SRMS: variants seen among roughly 807,000 people sequenced by gnomAD.
SRMS encodes tyrosine-protein kinase Srms.
A neutral mutation model predicts 43.5 loss-of-function variants in SRMS; 42 were observed. That is an observed-to-expected ratio of 0.97 (90% confidence interval 0.75 to 1.25). The LOEUF (loss-of-function observed/expected upper bound fraction) is 1.25. Among genes scored for constraint, SRMS ranks in the 50% most tolerant of loss-of-function variants. SRMS has a pLI of 0.00. For missense variants in SRMS, 703 were observed against 681.0 expected (o/e 1.03, Z -0.36); for synonymous variants, 316 against 308.2 (o/e 1.03, Z -0.27).
rs775456228 is a variant in SRMS, at chr20:63,547,319, A to G, written c.145T>C (p.Cys49Arg). ...DPVPTLPAEP[C>R]SPFPQLFLAL... ...AGGAAGAGCTGAGGGAAGGGGCTGCAAGGCTCGGCGGGGAGCGTGGGCACT... is the reference window on the plus strand; with the variant it reads ...AGGAAGAGCTGAGGGAAGGGGCTGCGAGGCTCGGCGGGGAGCGTGGGCACT... The change falls in exon 1 of 8, where the codon TGC becomes CGC. Residue 49 changes from cysteine (C) to arginine (R), a missense_variant. By Grantham distance (180) the Cys-to-Arg change is radical. Coordinates refer to ENST00000217188, the MANE Select transcript of SRMS (RefSeq NM_080823.4). The G allele has an allele frequency of 6.3e-7, 1 of 1,599,108 alleles. No homozygotes were observed. The highest frequency in any genetic ancestry group is 1.7e-5 in the Admixed American group (1 of 58,962).
intron 1 of SRMS, among the ~76,000 whole-genome samples, chr20:63,545,721 G>A (rs1259290016): frequency 3.3e-5 from 5 of 152,136 alleles, no homozygotes; most frequent in African/African-American, 9.7e-5. Context: ...GAGAGGCAGC[G>A]GCCTGAGGCA....
chr20:63,544,450 C>T (rs1439597365), intron 1 of SRMS, 102 bp from the exon 2 acceptor site: 25 of 1,344,904 alleles, frequency 1.9e-5, no homozygotes, highest in African/African-American at 1.5e-4. Flanking sequence ...GCTGTCCCAC[C>T]GCCTCAGGGA....
chr20:63,541,675 C>T (rs1216313195), intron 5 of SRMS, 55 bp from the exon 6 acceptor site: 28 of 1,450,656 alleles, frequency 1.9e-5, no homozygotes, highest in Admixed American at 1.5e-4. Context: ...CCGGTGAGGC[C>T]AGCGTCCACC....
At chr20:63,541,800 A>G (rs994246003) in intron 5 of SRMS, among the ~76,000 whole-genome samples, 180 bp from the exon 6 acceptor site, 3 of 152,046 alleles carry the variant, frequency 2.0e-5, no homozygotes, top group African/African-American at 7.2e-5. Flanking sequence ...TCCTGTACTC[A>G]CCACAGTGAC....
chr20:63,542,172 A>G lies in SRMS; in HGVS notation c.937T>C (p.Phe313Leu). ...CAGGGAGGGGACTCACTGCCCAGGA[A>G]GGCCTGCAGGTTCCCCTTGCGCATG... ...ELMRKGNLQA[F>L]LGTPEGRALR... The change falls in exon 5 of 8, where the codon TTC becomes CTC. Residue 313 changes from phenylalanine to leucine, a missense_variant. By Grantham distance (22) the Phe-to-Leu change is conservative. Coordinates refer to ENST00000217188, the MANE Select transcript of SRMS (RefSeq NM_080823.4). The G allele has an allele frequency of 6.2e-7, 1 of 1,607,920 alleles. No individual in the cohort carries two copies. Among genetic ancestry groups the G allele is most frequent in the South Asian group, 1.1e-5 (1 of 90,888 alleles).
At chr20:63,542,064 C>T (rs558489724) in intron 5 of SRMS, 99 bp downstream of exon 5, 54 of 1,496,908 alleles carry the variant, frequency 3.6e-5, no homozygotes, top group South Asian at 2.1e-4. Context: ...TAGAGAGGCC[C>T]GGTTCACCTC....
chr20:63,542,835 C>A (rs905390134), intron 3 of SRMS, among the ~76,000 whole-genome samples: 1 of 152,224 alleles, frequency 6.6e-6, no homozygotes, highest in Non-Finnish European at 1.5e-5. Flanking sequence ...ATTACTGCCC[C>A]TGGCCGCGCT....
intron 1 of SRMS, among the ~76,000 whole-genome samples, chr20:63,544,882 G>A (rs1348757151): frequency 6.6e-6 from 1 of 152,216 alleles, no homozygotes; most frequent in African/African-American, 2.4e-5. Context: ...GGCTGTGCAG[G>A]AGGTCAGGAG....
At position 63,540,684 on chromosome 20, in the gene SRMS, G is replaced by C; in HGVS notation, c.*134C>G. The C allele has an allele frequency of 8.8e-7, 1 of 1,136,380 alleles. No individual in the cohort carries two copies. The highest frequency in any genetic ancestry group is 1.2e-6 in the Non-Finnish European group (1 of 814,680). The allele number at this position is 1,136,380 out of a possible 1,614,324, so 70.4% of individuals were successfully genotyped here. A position where few individuals can be genotyped will look rare whatever the true frequency, so the allele number is the denominator to read the frequency against. On this transcript the variant is annotated 3_prime_UTR_variant, in exon 8 of 8. Transcript: ENST00000217188. ...GCACGTCTGCCTGGTGCACGAACAT[G>C]TGTGCACGCCAGGGCCTGAGGCCCA... is the stretch of plus-strand genomic sequence containing the variant.
rs773858913 is a variant in SRMS at position 63,541,267 on chromosome 20, G to A, written c.1209C>T (p.Phe403=). The change falls in exon 7 of 8, where the codon TTC becomes TTT. Residue 403 remains phenylalanine (F), a synonymous_variant. Coordinates refer to ENST00000217188, the MANE Select transcript of SRMS (RefSeq NM_080823.4). ...AGGACCAGACGTCTGACTTCTGGGA[G>A]AAGACACGATAATTGGCCGCCTCAG... ...TAPEAANYRV[F]SQKSDVWSFG... 7.6e-6 allele frequency: 12 copies of A among 1,569,292 alleles called. No individual in the cohort carries two copies. The Admixed American group carries it at 1.4e-4, about 19-fold the overall frequency.
chr20:63,545,234 C>G (rs1181490697), intron 1 of SRMS, among the ~76,000 whole-genome samples: 1 of 152,172 alleles, frequency 6.6e-6, no homozygotes, highest in Non-Finnish European at 1.5e-5. Context: ...GGAAGGAAGA[C>G]AGAAATGCTC....
Position 63,547,318 on chromosome 20 carries a change from C to G in SRMS, c.146G>C (p.Cys49Ser). 1.3e-6 allele frequency: 2 copies of G among 1,598,826 alleles called. No homozygotes were observed. The highest frequency in any genetic ancestry group is 2.7e-5 in the African/African-American group (2 of 74,622). ...DPVPTLPAEP[C>S]SPFPQLFLAL... ...AAGGAAGAGCTGAGGGAAGGGGCTG[C>G]AAGGCTCGGCGGGGAGCGTGGGCAC... The change falls in exon 1 of 8, where the codon TGC becomes TCC. Residue 49 changes from cysteine to serine, a missense_variant. Coordinates refer to ENST00000217188, the MANE Select transcript of SRMS (RefSeq NM_080823.4).
At chr20:63,546,288 G>A (rs117758170) in intron 1 of SRMS, among the ~76,000 whole-genome samples, 4,286 of 144,508 alleles carry the variant, frequency 0.03, 89 homozygotes, top group Non-Finnish European at 0.041. Flanking sequence ...GGCTTCACCC[G>A]CCCATGCAAC....
intron 1 of SRMS, among the ~76,000 whole-genome samples, chr20:63,546,861 C>T (rs190600197): frequency 2.1e-4 from 32 of 152,208 alleles, no homozygotes; most frequent in African/African-American, 6.5e-4. Context: ...GATGCTCCCC[C>T]CCACAGGACC....
intron 1 of SRMS, among the ~76,000 whole-genome samples, chr20:63,544,670 T>C (rs528109546): frequency 6.6e-6 from 1 of 152,354 alleles, no homozygotes; most frequent in East Asian, 1.9e-4. Flanking sequence ...CCATGGGCCA[T>C]AGGCCTCCAA....
chr20:63,542,026 A>T (rs2082706910), intron 5 of SRMS, 137 bp downstream of exon 5: 2 of 1,251,302 alleles, frequency 1.6e-6, no homozygotes, highest in East Asian at 5.1e-5. Context: ...CAGGGATGGG[A>T]TCTGCAGCCG....
At chr20:63,543,247 G>T in intron 3 of SRMS, 67 bp downstream of exon 3, 1 of 1,568,418 alleles carries the variant, frequency 6.4e-7, no homozygotes, top group Non-Finnish European at 8.6e-7. Flanking sequence ...ACGGGGTGGG[G>T]AGGAGCACCT....
chr20:63,543,542 C>G, intron 2 of SRMS, 62 bp from the exon 3 acceptor site: 2 of 1,572,886 alleles, frequency 1.3e-6, no homozygotes, highest in Non-Finnish European at 1.7e-6. Context: ...ACCCTCCCAC[C>G]CCAGAGGATG....
In SRMS at chr20:63,538,723, G is replaced by A. The variant is rs2082686582; in HGVS notation, c.*2095C>T. ...TGGGGAGGATGCAGGGGGAGGGGTG[G>A]GGGGTGGGGAATGCGGAAGGAGGGT... On this transcript the variant is annotated 3_prime_UTR_variant, in exon 8 of 8. Coordinates refer to ENST00000217188, the MANE Select transcript of SRMS (RefSeq NM_080823.4). Among the ~76,000 whole-genome samples the A allele has an allele frequency of 7.2e-6, 1 of 139,542 alleles. No homozygotes were observed. The highest frequency in any genetic ancestry group is 1.6e-5 in the Non-Finnish European group (1 of 63,310). 91.5% of individuals were successfully genotyped at this position (139,542 alleles called of 152,430 possible).
Sources: gnomAD v4.1 joint callset for allele counts (sites outside exome capture counted in the v4.1 genomes callset) on GRCh38, gnomAD v4.1.1 for gene constraint, MANE v1.5 for transcripts, NCBI Gene and HGNC (gene_info 2026-07-23, HGNC 2026-07-21) for gene names.